SCN1A: variants seen among roughly 807,000 people sequenced by gnomAD.
SCN1A encodes the protein sodium voltage-gated channel alpha subunit 1.
In SCN1A, 13 loss-of-function variants were observed where a neutral mutation model predicts 193.7. The ratio of observed to expected loss-of-function variants is 0.07; its 90% confidence interval spans 0.04 to 0.11. SCN1A has a LOEUF of 0.11. SCN1A is among the 10% of genes least tolerant of loss of function. The pLI is 1.00. For missense variants in SCN1A, 1,432 were observed against 2,451.1 expected, an observed-to-expected ratio of 0.58 and a Z score of 8.78; for synonymous variants, 781 against 843.6, an observed-to-expected ratio of 0.93 and a Z score of 1.29.
intron 15 of SCN1A, among the ~76,000 whole-genome samples, chr2:166,041,723 C>T (rs2105831540): frequency 6.6e-6 from 1 of 152,234 alleles, no homozygotes; most frequent in African/African-American, 2.4e-5. Flanking sequence ...CAGCACTTGG[C>T]CTCAAGTTAA....
intron 2 of SCN1A, among the ~76,000 whole-genome samples, chr2:166,101,371 AG>A (rs1688052231): frequency 1.7e-5 from 1 of 58,710 alleles, no homozygotes; most frequent in Admixed American, 2.6e-4. Context: ...GGGTGGGGGG[AG>A]GGGGGAGGGA....
In SCN1A at chr2:166,015,670, C is replaced by G. The variant is rs770706176; in HGVS notation, c.3487G>C (p.Val1163Leu). 17 of 1,612,870 alleles carry G rather than the reference C, an allele frequency of 1.1e-5. No homozygotes were observed. The South Asian group carries it at 1.8e-4, about 17-fold the overall frequency. Residue 1163 changes from valine (V) to leucine (L), a missense_variant, in exon 20 of 29, where the codon GTA (valine) becomes CTA (leucine). Transcript: ENST00000674923. ...EGSTVDIGAP[V>L]EEQPVVEPEE... ...GGTTCCACTACGGGCTGTTCTTCTA[C>G]AGGTGCGCCGATGTCCACAGTGCTA...
chr2:166,039,701 T>G (rs1696904253), intron 16 of SCN1A, 105 bp from the exon 17 acceptor site: 2 of 970,226 alleles, frequency 2.1e-6, no homozygotes, highest in African/African-American at 3.3e-5. Flanking sequence ...ACAATGATTC[T>G]ATTACTAACT....
intron 19 of SCN1A, among the ~76,000 whole-genome samples, chr2:166,022,897 T>C (rs1371071987): frequency 1.3e-5 from 2 of 152,174 alleles, no homozygotes; most frequent in African/African-American, 4.8e-5. Context: ...TCAGGTTTTT[T>C]ACTAGAAGCT....
intron 4 of SCN1A, among the ~76,000 whole-genome samples, chr2:166,061,438 G>T (rs1683294214): frequency 6.6e-6 from 1 of 152,102 alleles, no homozygotes; most frequent in Admixed American, 6.5e-5. Flanking sequence ...GGGACAGAGA[G>T]AAATCTGTTA....
intron 19 of SCN1A, among the ~76,000 whole-genome samples, chr2:166,018,027 A>G (rs1693541569): frequency 6.6e-6 from 1 of 152,006 alleles, no homozygotes; most frequent in African/African-American, 2.4e-5. Flanking sequence ...TTTGCACATA[A>G]GTGTTTTATC....
rs1559106759 is a variant in SCN1A, at chr2:165,992,589, CTT to C, written c.4853-169_4853-168del. The C allele has an allele frequency of 2.8e-6, 1 of 355,088 alleles. No homozygotes were observed. Among genetic ancestry groups the C allele is most frequent in the Admixed American group, 5.0e-5 (1 of 19,882 alleles). 22.0% of individuals were successfully genotyped at this position (355,088 alleles called of 1,614,324 possible). On this transcript the variant is annotated intron_variant, in intron 28 of 28. Coordinates refer to ENST00000674923, the MANE Select transcript of SCN1A (RefSeq NM_001165963.4). This position sits in a 1 kb window ranked among gnomAD's most constrained non-coding sequence, Gnocchi z 6.5. ...TAATTGTACATAATATATTATAAATCTTAATTTTGAAATTCAGCAATAATTTC... is the reference window on the plus strand; with the variant it reads ...TAATTGTACATAATATATTATAAATCAATTTTGAAATTCAGCAATAATTTC...
At chr2:166,112,387 C>T (rs371619302) in intron 2 of SCN1A, among the ~76,000 whole-genome samples, 137 of 152,232 alleles carry the variant, frequency 9.0e-4, no homozygotes, top group African/African-American at 3.3e-3. Context: ...TTAAGGTATG[C>T]ACTTTTTTTC....
intron 2 of SCN1A, among the ~76,000 whole-genome samples, chr2:166,104,523 G>A (rs1198224457): frequency 6.6e-6 from 1 of 152,130 alleles, no homozygotes; most frequent in Non-Finnish European, 1.5e-5. Flanking sequence ...CAGGTGTATT[G>A]CTTGAGCTCA....
At chr2:166,070,579 T>G (rs1474204685) in intron 4 of SCN1A, among the ~76,000 whole-genome samples, 1 of 152,198 alleles carries the variant, frequency 6.6e-6, no homozygotes, top group Non-Finnish European at 1.5e-5. Context: ...TTCATCAGAG[T>G]TGGCCTTTCA....
intron 4 of SCN1A, among the ~76,000 whole-genome samples, chr2:166,065,417 T>C (rs959186324): frequency 2.0e-5 from 3 of 152,132 alleles, no homozygotes; most frequent in Non-Finnish European, 4.4e-5. Flanking sequence ...TTATGCTGGG[T>C]CAATTCCATG....
chr2:166,054,837 T>TC, intron 6 of SCN1A, 71 bp from the exon 7 acceptor site: 2 of 1,391,596 alleles, frequency 1.4e-6, no homozygotes, highest in Admixed American at 3.6e-5. Flanking sequence ...TTCTTATCAC[T>TC]CCATCAGTGG....
At chr2:166,009,663 T>A (rs571794464) in intron 23 of SCN1A, 56 bp downstream of exon 23, 1 of 1,519,560 alleles carries the variant, frequency 6.6e-7, no homozygotes, top group Non-Finnish European at 8.9e-7. Flanking sequence ...TTTCTAAATT[T>A]AATTTAGTTT....
intron 2 of SCN1A, among the ~76,000 whole-genome samples, chr2:166,108,471 A>G (rs992669776): frequency 2.6e-5 from 4 of 152,126 alleles, no homozygotes; most frequent in African/African-American, 9.7e-5. Flanking sequence ...TAATCAAGGT[A>G]AATGAAAACA....
rs1439113420 is a variant in SCN1A, at chr2:166,118,178, G to A, written c.-142+8746C>T. On this transcript the variant is annotated intron_variant, in intron 2 of 28. Transcript: ENST00000674923. ...AGAGAGAGAGAGTCAGGGAGAGTAA[G>A]ATAAAGTTTGGTCCCAGAGAAGATA... Among the ~76,000 whole-genome samples the A allele has an allele frequency of 2.0e-5, 3 of 148,972 alleles. No individual in the cohort carries two copies. In the Admixed American group the frequency reaches 2.1e-4, roughly 10 times the overall value.
chr2:166,041,505 AG>A, intron 15 of SCN1A, 36 bp from the exon 16 acceptor site: 1 of 1,313,156 alleles, frequency 7.6e-7, no homozygotes, highest in Middle Eastern at 2.1e-4. Flanking sequence ...AACCACCAAA[AG>A]GTATACTTTA....
At chr2:166,041,877 C>T (rs1310804214) in intron 15 of SCN1A, among the ~76,000 whole-genome samples, 1 of 152,156 alleles carries the variant, frequency 6.6e-6, no homozygotes, top group African/African-American at 2.4e-5. Flanking sequence ...ACCCAAGAAT[C>T]ATCTTTTTAG....
chr2:166,107,823 A>T (rs1483434741), intron 2 of SCN1A, among the ~76,000 whole-genome samples: 1 of 152,172 alleles, frequency 6.6e-6, no homozygotes, highest in Non-Finnish European at 1.5e-5. Flanking sequence ...TTAATCATAA[A>T]TTTAAACGTA....
intron 4 of SCN1A, among the ~76,000 whole-genome samples, chr2:166,067,363 C>T (rs1430786087): frequency 3.9e-5 from 6 of 152,014 alleles, no homozygotes; most frequent in African/African-American, 4.8e-5. Context: ...AGTAAGGGTT[C>T]GGGAAATACT....
Sources: allele counts gnomAD v4.1 joint callset (sites outside exome capture counted in the v4.1 genomes callset), GRCh38; gene constraint gnomAD v4.1.1; non-coding constraint Gnocchi (gnomAD v3.1); transcripts MANE v1.5; gene names NCBI Gene and HGNC (gene_info 2026-07-23, HGNC 2026-07-21).